Variants in PSD3 observed in about 807,000 individuals in gnomAD.
PSD3 encodes the protein pleckstrin and Sec7 domain containing 3, also known as PH and SEC7 domain-containing protein 3.
A neutral mutation model predicts 105.5 loss-of-function variants in PSD3; 49 were observed. The observed-to-expected ratio is 0.46, with a 90% confidence interval of 0.37 to 0.59. PSD3 has a LOEUF of 0.59. Among genes scored for constraint, PSD3 ranks in the 20% least tolerant of loss-of-function variants. The pLI, the probability that PSD3 is intolerant of heterozygous loss-of-function variation, is 0.00. For missense variants in PSD3, 1,561 were observed against 1,263.8 expected (o/e 1.24, Z -3.57); for synonymous variants, 557 against 457.8 (o/e 1.22, Z -2.77).
At chr8:18,684,767 T>C (rs1800574583) in intron 9 of PSD3, among the ~76,000 whole-genome samples, 1 of 152,104 alleles carries the variant, frequency 6.6e-6, no homozygotes, top group African/African-American at 2.4e-5. Context: ...CAGGTTAACT[T>C]TCAATATGGC....
intron 1 of PSD3, among the ~76,000 whole-genome samples, chr8:18,962,150 G>T (rs1823966279): frequency 6.6e-6 from 1 of 151,918 alleles, no homozygotes; most frequent in South Asian, 2.1e-4. Flanking sequence ...GGAGGCTGAG[G>T]CAGGAGAATC....
In PSD3 at chr8:18,926,112, GT is replaced by G. The variant is rs113558247; in HGVS notation, c.130+9921del. On this transcript the variant is annotated intron_variant, in intron 2 of 15. Transcript: ENST00000327040. Reference sequence around the variant, plus strand: ...TTTTTCACCATATTAATGGTATGTTGTTTTTTTTTTTTACTGTTAAATATGT... The same window carrying G: ...TTTTTCACCATATTAATGGTATGTTGTTTTTTTTTTTACTGTTAAATATGT... 3.4e-3 allele frequency among the ~76,000 whole-genome samples: 495 copies of G among 143,904 alleles called. 1 individual carries two copies. Among genetic ancestry groups the G allele is most frequent in the Non-Finnish European group, 4.6e-3 (304 of 65,432 alleles). 94.4% of individuals were successfully genotyped at this position (143,904 alleles called of 152,430 possible).
intron 4 of PSD3, among the ~76,000 whole-genome samples, chr8:18,826,695 T>C (rs1813213413): frequency 2.0e-5 from 3 of 152,242 alleles, no homozygotes; most frequent in African/African-American, 7.2e-5. Context: ...GCAAAGGCCC[T>C]TTGGAAAGGC....
At chr8:18,965,112 T>C (rs1304017383) in intron 1 of PSD3, among the ~76,000 whole-genome samples, 1 of 152,210 alleles carries the variant, frequency 6.6e-6, no homozygotes, top group Non-Finnish European at 1.5e-5. Flanking sequence ...ATTTTTATAG[T>C]TTAAAATTAT....
chr8:18,806,308 T>C (rs1345119506), intron 4 of PSD3, among the ~76,000 whole-genome samples: 1 of 152,180 alleles, frequency 6.6e-6, no homozygotes, highest in African/African-American at 2.4e-5. Flanking sequence ...TAATAATTAG[T>C]GTAAAACAAT....
intron 4 of PSD3, among the ~76,000 whole-genome samples, chr8:18,859,129 T>G (rs1225549033): frequency 6.6e-6 from 1 of 152,164 alleles, no homozygotes; most frequent in Non-Finnish European, 1.5e-5. Context: ...TTGGCGGGCA[T>G]TAGAACTACA....
At chr8:18,752,583 A>AAT (rs1278787958) in intron 9 of PSD3, among the ~76,000 whole-genome samples, 13 of 72,726 alleles carry the variant, frequency 1.8e-4, no homozygotes, top group Non-Finnish European at 3.0e-4. Context: ...ATAATTATAT[A>AAT]TATTATATAT....
chr8:19,058,293 G>A (rs556456897), intron 1 of PSD3, among the ~76,000 whole-genome samples: 91 of 151,988 alleles, frequency 6.0e-4, no homozygotes, highest in Non-Finnish European at 1.1e-3. Flanking sequence ...TGGGTGGGGA[G>A]AAAGTATAAG....
chr8:18,930,261 G>C (rs1349992412), intron 2 of PSD3, among the ~76,000 whole-genome samples: 1 of 152,082 alleles, frequency 6.6e-6, no homozygotes, highest in Admixed American at 6.5e-5. Context: ...GATCTCAAAG[G>C]TCTTTTCATT....
intron 2 of PSD3, among the ~76,000 whole-genome samples, chr8:18,885,677 A>T (rs1261373658): frequency 6.6e-6 from 1 of 152,202 alleles, no homozygotes; most frequent in Non-Finnish European, 1.5e-5. Context: ...TTCATGCTCA[A>T]TAAGAGACCC....
chr8:18,711,806 C>A (rs1039051263), intron 9 of PSD3, among the ~76,000 whole-genome samples: 2 of 152,170 alleles, frequency 1.3e-5, no homozygotes, highest in African/African-American at 4.8e-5. Context: ...GAACCTTCCA[C>A]CCCGAAACAA....
chr8:18,822,158 C>T (rs193258694), intron 4 of PSD3, among the ~76,000 whole-genome samples: 69 of 152,294 alleles, frequency 4.5e-4, no homozygotes, highest in Middle Eastern at 3.4e-3. Flanking sequence ...AACAGGCATT[C>T]CAACTTTTGC....
chr8:18,851,251 C>A (rs1355214483), intron 4 of PSD3, among the ~76,000 whole-genome samples: 3 of 152,286 alleles, frequency 2.0e-5, no homozygotes, highest in Admixed American at 2.0e-4. Context: ...GAAGTCTTAC[C>A]CAAAGTCATA....
At chr8:18,580,050 A>T (rs535533558) in intron 12 of PSD3, among the ~76,000 whole-genome samples, 1 of 152,190 alleles carries the variant, frequency 6.6e-6, no homozygotes, top group African/African-American at 2.4e-5. Context: ...ACTGGCATTA[A>T]AAATGTTTTT....
At chr8:19,018,561 C>T (rs1386392827), upstream of PSD3, among the ~76,000 whole-genome samples, 26 of 152,108 alleles carry the variant, frequency 1.7e-4, 1 homozygote, top group Admixed American at 1.7e-3. Context: ...TTGTTTTAGA[C>T]TGAAAGCTTA....
At chr8:18,842,791 G>A (rs1447182181) in intron 4 of PSD3, among the ~76,000 whole-genome samples, 2 of 152,010 alleles carry the variant, frequency 1.3e-5, no homozygotes, top group Non-Finnish European at 2.9e-5. Flanking sequence ...CAGTGAAGAA[G>A]AGCTCTTCAG....
At chr8:18,745,897 T>C (rs1199782319) in intron 9 of PSD3, among the ~76,000 whole-genome samples, 7 of 152,092 alleles carry the variant, frequency 4.6e-5, no homozygotes, top group African/African-American at 1.7e-4. Flanking sequence ...AAACTGCCTC[T>C]TATCATCTAT....
intron 10 of PSD3, among the ~76,000 whole-genome samples, chr8:18,653,624 G>C (rs1222144056): frequency 6.6e-6 from 1 of 152,150 alleles, no homozygotes; most frequent in African/African-American, 2.4e-5. Context: ...TTCTGAACAA[G>C]ATGCTCTGCT....
At chr8:18,924,665 G>C (rs1398650666) in intron 2 of PSD3, 1 of 152,148 alleles carries the variant, frequency 6.6e-6, no homozygotes, top group Non-Finnish European at 1.5e-5. Flanking sequence ...GCATGAGTAG[G>C]GGCTGAGCTG....
Sources: gnomAD v4.1 joint callset for allele counts (sites outside exome capture counted in the v4.1 genomes callset) on GRCh38, gnomAD v4.1.1 for gene constraint, MANE v1.5 for transcripts, NCBI Gene and HGNC (gene_info 2026-07-23, HGNC 2026-07-21) for gene names.